Variants in SFMBT2 observed in about 807,000 individuals in gnomAD.
SFMBT2 encodes the protein scm-like with four MBT domains protein 2.
In SFMBT2, 38 loss-of-function variants were observed where a neutral mutation model predicts 110.1. The observed-to-expected ratio is 0.35, with a 90% CI of 0.27 to 0.45. SFMBT2 has a LOEUF of 0.45. SFMBT2 is among the 20% of genes least tolerant of loss of function. The pLI is 1.00. For missense variants in SFMBT2, 1,011 were observed against 1,094.9 expected (o/e 0.92, Z 1.08); for synonymous variants, 425 against 425.4 (o/e 1.00, Z 0.01).
At chr10:7,379,522 T>G (rs985368729) in intron 2 of SFMBT2, among the ~76,000 whole-genome samples, 5 of 152,202 alleles carry the variant, frequency 3.3e-5, no homozygotes, top group African/African-American at 7.2e-5. Flanking sequence ...TGCAAAGTCT[T>G]AGACTCTGCT....
chr10:7,209,550 T>A (rs921128645), intron 11 of SFMBT2, among the ~76,000 whole-genome samples: 5 of 152,228 alleles, frequency 3.3e-5, no homozygotes, highest in African/African-American at 1.2e-4. Context: ...TAAAAAAGAA[T>A]CAGACACCTC....
At chr10:7,217,003 T>C (rs1027037578) in intron 11 of SFMBT2, among the ~76,000 whole-genome samples, 3 of 152,186 alleles carry the variant, frequency 2.0e-5, no homozygotes, top group African/African-American at 7.2e-5. Flanking sequence ...AAAAAGACAA[T>C]ATGGTAAATT....
chr10:7,311,528 T>C (rs1279152847), intron 4 of SFMBT2, among the ~76,000 whole-genome samples: 2 of 152,234 alleles, frequency 1.3e-5, no homozygotes, highest in South Asian at 2.1e-4. Context: ...TTTATCTTGA[T>C]TGACTTACAA....
At chr10:7,235,008 C>A (rs1402378624) in intron 9 of SFMBT2, among the ~76,000 whole-genome samples, 1 of 152,162 alleles carries the variant, frequency 6.6e-6, no homozygotes, top group Non-Finnish European at 1.5e-5. Flanking sequence ...GGCTACCTAC[C>A]TGGGGTTCTG....
intron 17 of SFMBT2, among the ~76,000 whole-genome samples, chr10:7,173,500 A>T (rs1217100761): frequency 6.6e-6 from 1 of 152,188 alleles, no homozygotes; most frequent in Non-Finnish European, 1.5e-5. Context: ...TCTCTATTAC[A>T]TCATTGTATA....
At chr10:7,350,710 CATA>C in intron 4 of SFMBT2, among the ~76,000 whole-genome samples, 1 of 152,274 alleles carries the variant, frequency 6.6e-6, no homozygotes, top group Admixed American at 6.5e-5. Context: ...CTACCATAGC[CATA>C]ATAATAATAC....
intron 17 of SFMBT2, among the ~76,000 whole-genome samples, chr10:7,173,504 T>C (rs61836742): frequency 0.011 from 1,630 of 152,364 alleles, 13 homozygotes; most frequent in Non-Finnish European, 0.018. Context: ...TATTACATCA[T>C]TGTATACTTT....
chr10:7,336,319 C>G (rs1378620526), intron 4 of SFMBT2, among the ~76,000 whole-genome samples: 1 of 152,134 alleles, frequency 6.6e-6, no homozygotes, highest in Non-Finnish European at 1.5e-5. Flanking sequence ...CACAGCTGAC[C>G]GCAAAATTTC....
In SFMBT2 at chr10:7,305,653, T is replaced by C. The variant is rs117785621; in HGVS notation, c.437-19699A>G. Among the ~76,000 whole-genome samples the C allele has an allele frequency of 2.7e-3, 409 of 152,338 alleles. 2 individuals are homozygous for C. Among genetic ancestry groups the C allele is most frequent in the Non-Finnish European group, 2.6e-3 (179 of 68,040 alleles). ...TCAACGGGAAAACCAGATACCTAAC[T>C]GGCAGTCTGGGGCAGCCTTATCAAT... On this transcript the variant is annotated intron_variant, in intron 4 of 20. Coordinates refer to ENST00000397167, the MANE Select transcript of SFMBT2 (RefSeq NM_001387889.1).
At chr10:7,378,940 T>C (rs972559207) in intron 2 of SFMBT2, among the ~76,000 whole-genome samples, 1 of 152,076 alleles carries the variant, frequency 6.6e-6, no homozygotes, top group African/African-American at 2.4e-5. Flanking sequence ...AGCCTCACAA[T>C]GCCTGAAATT....
intron 6 of SFMBT2, among the ~76,000 whole-genome samples, chr10:7,279,003 A>G (rs750207240): frequency 6.6e-6 from 1 of 151,668 alleles, no homozygotes; most frequent in African/African-American, 2.4e-5. Context: ...CGGGAGGCTG[A>G]GGCAGGAGAA....
chr10:7,285,602 C>A, intron 5 of SFMBT2: 2 of 405,820 alleles, frequency 4.9e-6, no homozygotes, highest in East Asian at 4.9e-5. Flanking sequence ...AGGAAGACAT[C>A]CTAGCATATT....
intron 16 of SFMBT2, among the ~76,000 whole-genome samples, chr10:7,185,313 AAACAAAATT>A (rs1838365845): frequency 6.6e-6 from 1 of 152,238 alleles, no homozygotes; most frequent in Non-Finnish European, 1.5e-5. Context: ...TGCGCAAGGT[AAACAAAATT>A]AACAAATGAA....
intron 4 of SFMBT2, among the ~76,000 whole-genome samples, chr10:7,305,707 C>T (rs911402403): frequency 1.3e-5 from 2 of 152,186 alleles, no homozygotes; most frequent in African/African-American, 4.8e-5. Context: ...CAAAGGTCTA[C>T]CCTTTCGGGA....
chr10:7,381,205 C>A (rs994647139), intron 2 of SFMBT2, among the ~76,000 whole-genome samples: 1 of 152,136 alleles, frequency 6.6e-6, no homozygotes, highest in Non-Finnish European at 1.5e-5. Flanking sequence ...ACCACCAATC[C>A]GCATGACCTC....
At position 7,382,061 on chromosome 10, in the gene SFMBT2, A is replaced by G. The variant is rs570480303; in HGVS notation, c.-51-112T>C. ...TTATTAGTGCCACTACCATTTCATT[A>G]TAACTTTCAAGATGCAACATAATGT... On this transcript the variant is annotated intron_variant, in intron 1 of 20. Coordinates refer to ENST00000397167, the MANE Select transcript of SFMBT2 (RefSeq NM_001387889.1). 5.7e-6 allele frequency: 3 copies of G among 528,006 alleles called. No individual in the cohort carries two copies. In the East Asian group the frequency reaches 9.5e-5, roughly 17 times the overall value. 32.7% of individuals were successfully genotyped at this position (528,006 alleles called of 1,614,324 possible).
intron 7 of SFMBT2, among the ~76,000 whole-genome samples, chr10:7,250,256 T>C (rs572456671): frequency 6.6e-6 from 1 of 152,282 alleles, no homozygotes; most frequent in South Asian, 2.1e-4. Flanking sequence ...TCCCCTCTAG[T>C]AGTCTCCAGT....
chr10:7,298,684 C>T (rs1012635870), intron 4 of SFMBT2, among the ~76,000 whole-genome samples: 9 of 151,850 alleles, frequency 5.9e-5, no homozygotes, highest in African/African-American at 1.2e-4. Flanking sequence ...CATGTGTATA[C>T]GTGTACTTGC....
chr10:7,341,522 T>C (rs939976112), intron 4 of SFMBT2, among the ~76,000 whole-genome samples: 2 of 152,212 alleles, frequency 1.3e-5, no homozygotes, highest in African/African-American at 4.8e-5. Flanking sequence ...CAACAAATTT[T>C]TGAGGAGATA....
Sources: allele counts gnomAD v4.1 joint callset (sites outside exome capture counted in the v4.1 genomes callset), GRCh38; gene constraint gnomAD v4.1.1; transcripts MANE v1.5; gene names NCBI Gene and HGNC (gene_info 2026-07-23, HGNC 2026-07-21).